INPP4B: variants seen among roughly 807,000 people sequenced by gnomAD.
INPP4B encodes inositol polyphosphate 4-phosphatase type II.
A neutral mutation model predicts 122.5 loss-of-function variants in INPP4B; 55 were observed. The observed-to-expected ratio is 0.45, with a 90% CI of 0.36 to 0.56. The LOEUF (loss-of-function observed/expected upper bound fraction) is 0.56, where lower values mean the gene tolerates loss of function less well. Among genes scored for constraint, INPP4B ranks in the 20% least tolerant of loss-of-function variants. The pLI, the probability that INPP4B is intolerant of heterozygous loss-of-function variation, is 0.00. For synonymous variants in INPP4B, 403 were observed against 388.7 expected, an observed-to-expected ratio of 1.04 and a Z score of -0.43; for missense variants, 1,000 against 1,097.7, an observed-to-expected ratio of 0.91 and a Z score of 1.26.
intron 7 of INPP4B, among the ~76,000 whole-genome samples, chr4:142,376,116 C>G (rs1330251876): frequency 6.6e-6 from 1 of 151,898 alleles, no homozygotes; most frequent in South Asian, 2.1e-4. Context: ...TACATGGTAG[C>G]ATTTTATATG....
intron 16 of INPP4B, among the ~76,000 whole-genome samples, chr4:142,172,428 G>A (rs183084380): frequency 1.3e-4 from 20 of 151,918 alleles, no homozygotes; most frequent in Middle Eastern, 3.4e-3. Context: ...CCTATTTGAC[G>A]CAAAGTAAGT....
At chr4:142,199,566 T>C (rs1338259552) in intron 14 of INPP4B, among the ~76,000 whole-genome samples, 1 of 152,078 alleles carries the variant, frequency 6.6e-6, no homozygotes, top group Non-Finnish European at 1.5e-5. Flanking sequence ...GTTTTTCCAC[T>C]CACACATTTT....
intron 25 of INPP4B, among the ~76,000 whole-genome samples, chr4:142,067,919 C>T (rs909694077): frequency 1.3e-5 from 2 of 152,076 alleles, no homozygotes; most frequent in Non-Finnish European, 2.9e-5. Context: ...AGGATATTAT[C>T]CAGGAGAACT....
Position 142,059,455 on chromosome 4 carries a change from G to A in INPP4B, c.2642+22576C>T, listed in dbSNP as rs544263768. ...AGACTTAATCTATCATCATGTATCT[G>A]TATGTGATTCTCTCTCAGTAGATTC... On this transcript the variant is annotated intron_variant, in intron 25 of 25. Coordinates refer to ENST00000262992, the MANE Select transcript of INPP4B (RefSeq NM_001101669.3). Among the ~76,000 whole-genome samples, 7 of 152,164 alleles carry A rather than the reference G, an allele frequency of 4.6e-5. No homozygotes were observed. The South Asian group carries it at 1.5e-3, about 32-fold the overall frequency.
At chr4:142,749,853 G>C (rs114810037) in intron 1 of INPP4B, among the ~76,000 whole-genome samples, 1 of 139,358 alleles carries the variant, frequency 7.2e-6, no homozygotes, top group Admixed American at 7.1e-5. Flanking sequence ...CAAGAGAACA[G>C]ATAGTCAAGA....
intron 1 of INPP4B, among the ~76,000 whole-genome samples, chr4:142,799,239 T>G (rs573699438): frequency 1.2e-3 from 175 of 152,032 alleles, no homozygotes; most frequent in African/African-American, 4.1e-3. Context: ...TCAGGATTAC[T>G]TTCTCCTCAT....
chr4:142,749,899 A>G (rs1769399774), intron 1 of INPP4B, among the ~76,000 whole-genome samples: 1 of 152,036 alleles, frequency 6.6e-6, no homozygotes. Flanking sequence ...TAAATCCCAA[A>G]TCAGAGCCAC....
chr4:142,733,510 A>G (rs1305841594), intron 1 of INPP4B, among the ~76,000 whole-genome samples: 2 of 152,218 alleles, frequency 1.3e-5, no homozygotes, highest in Non-Finnish European at 2.9e-5. Flanking sequence ...CAAATTTTCA[A>G]TAAACATCCT....
At chr4:142,354,801 G>A (rs1258435616) in intron 7 of INPP4B, among the ~76,000 whole-genome samples, 2 of 151,996 alleles carry the variant, frequency 1.3e-5, no homozygotes, top group African/African-American at 4.8e-5. Context: ...CAGAGATTAG[G>A]GAGACAAGCT....
At chr4:142,270,492 C>A (rs1745228779) in intron 10 of INPP4B, among the ~76,000 whole-genome samples, 171 bp downstream of exon 10, 1 of 152,146 alleles carries the variant, frequency 6.6e-6, no homozygotes, top group Admixed American at 6.5e-5. Context: ...CAAATAGGCC[C>A]TTTGATTCAG....
At chr4:142,398,775 T>C (rs142216075) in intron 7 of INPP4B, among the ~76,000 whole-genome samples, 2 of 152,216 alleles carry the variant, frequency 1.3e-5, no homozygotes, top group East Asian at 3.9e-4. Flanking sequence ...TCTTGATAAC[T>C]TTTTCTGAAA....
chr4:142,314,401 T>C (rs1424651010), intron 8 of INPP4B, among the ~76,000 whole-genome samples: 1 of 152,106 alleles, frequency 6.6e-6, no homozygotes, highest in Non-Finnish European at 1.5e-5. Flanking sequence ...CATCTGTAAT[T>C]TCCCTCACCT....
At chr4:142,836,503 A>C (rs902646373) in intron 1 of INPP4B, among the ~76,000 whole-genome samples, 3 of 152,120 alleles carry the variant, frequency 2.0e-5, no homozygotes, top group African/African-American at 7.2e-5. Flanking sequence ...TGGGAAATAG[A>C]GGAATTATTT....
At chr4:142,829,429 C>G (rs567793679) in intron 1 of INPP4B, among the ~76,000 whole-genome samples, 3 of 152,274 alleles carry the variant, frequency 2.0e-5, no homozygotes, top group African/African-American at 7.2e-5. Flanking sequence ...TGCCTTTTGA[C>G]AGAAGTCATT....
At chr4:142,133,117 G>T (rs1193183509) in intron 18 of INPP4B, among the ~76,000 whole-genome samples, 1 of 152,102 alleles carries the variant, frequency 6.6e-6, no homozygotes, top group Non-Finnish European at 1.5e-5. Context: ...CAACTTTGTT[G>T]CTGGTTCCTT....
chr4:142,043,488 G>C (rs1578705841), intron 25 of INPP4B, among the ~76,000 whole-genome samples: 1 of 152,250 alleles, frequency 6.6e-6, no homozygotes, highest in East Asian at 1.9e-4. Flanking sequence ...GTGATGTATA[G>C]TGAAGGCCGG....
At chr4:142,254,998 C>T (rs1194142038) in intron 11 of INPP4B, among the ~76,000 whole-genome samples, 4 of 152,088 alleles carry the variant, frequency 2.6e-5, no homozygotes, top group Admixed American at 6.6e-5. Flanking sequence ...AGACTAACAG[C>T]GGCTCTCTCG....
At chr4:142,074,200 T>C (rs947757879) in intron 25 of INPP4B, among the ~76,000 whole-genome samples, 3 of 152,172 alleles carry the variant, frequency 2.0e-5, no homozygotes, top group African/African-American at 7.2e-5. Flanking sequence ...GCCAGTGGTT[T>C]ATTTATAAAT....
At chr4:142,274,644 T>TG (rs1747507769) in intron 9 of INPP4B, among the ~76,000 whole-genome samples, 1 of 151,880 alleles carries the variant, frequency 6.6e-6, no homozygotes, top group Non-Finnish European at 1.5e-5. Flanking sequence ...ATTATGACAT[T>TG]GGATCTTGGT....
Sources: allele counts gnomAD v4.1 joint callset (sites outside exome capture counted in the v4.1 genomes callset), GRCh38; gene constraint gnomAD v4.1.1; transcripts MANE v1.5; gene names NCBI Gene and HGNC (gene_info 2026-07-23, HGNC 2026-07-21).